EPB41L3: variants seen among roughly 807,000 people sequenced by gnomAD.
EPB41L3 encodes erythrocyte membrane protein band 4.1 like 3.
Under a neutral mutation model 127.1 loss-of-function variants are expected in EPB41L3, and 57 were observed. The ratio of observed to expected loss-of-function variants is 0.45; its 90% confidence interval spans 0.36 to 0.56. The LOEUF (loss-of-function observed/expected upper bound fraction) is 0.56. Ranked by LOEUF, EPB41L3 falls within the 20% of genes least tolerant of loss-of-function variation. The pLI is 0.00. For synonymous variants in EPB41L3, 572 were observed against 549.5 expected (o/e 1.04, Z -0.57); for missense variants, 1,273 against 1,372.2 (o/e 0.93, Z 1.14).
chr18:5,452,591 C>T (rs1461352138), intron 3 of EPB41L3, among the ~76,000 whole-genome samples: 1 of 152,112 alleles, frequency 6.6e-6, no homozygotes, highest in Non-Finnish European at 1.5e-5. Flanking sequence ...GGCTTAAAAT[C>T]TGAAGACATT....
intron 1 of EPB41L3, among the ~76,000 whole-genome samples, chr18:5,504,002 T>C (rs1706069698): frequency 6.6e-6 from 1 of 152,230 alleles, no homozygotes; most frequent in South Asian, 2.1e-4. Context: ...TGATTATTGC[T>C]GAAAACATCT....
upstream of EPB41L3, chr18:5,544,078 G>A: frequency 1.0e-6 from 1 of 985,544 alleles, no homozygotes; most frequent in Non-Finnish European, 1.2e-6. Flanking sequence ...CCGAGGCTCC[G>A]CGGAGCTGCG....
chr18:5,477,407 C>T (rs555900276), intron 3 of EPB41L3, among the ~76,000 whole-genome samples: 1 of 152,246 alleles, frequency 6.6e-6, no homozygotes, highest in South Asian at 2.1e-4. Context: ...GTGTGTGATA[C>T]CCTGCCCTCT....
At chr18:5,614,666 G>T (rs2094771151) in intron 1 of EPB41L3, among the ~76,000 whole-genome samples, 1 of 138,190 alleles carries the variant, frequency 7.2e-6, no homozygotes. Context: ...GTACTCCCCT[G>T]ATTCTTAGGA....
chr18:5,519,472 ACTC>A (rs2092899664), intron 1 of EPB41L3, among the ~76,000 whole-genome samples: 1 of 152,124 alleles, frequency 6.6e-6, no homozygotes, highest in African/African-American at 2.4e-5. Flanking sequence ...CCCAAGAATC[ACTC>A]TACCACAACC....
intron 1 of EPB41L3, among the ~76,000 whole-genome samples, chr18:5,620,303 T>C (rs567353921): frequency 6.6e-6 from 1 of 152,310 alleles, no homozygotes; most frequent in East Asian, 1.9e-4. Context: ...TGAAACACAC[T>C]TAGTTATGTT....
intron 3 of EPB41L3, among the ~76,000 whole-genome samples, chr18:5,455,561 A>C (rs2082911915): frequency 6.6e-6 from 1 of 152,078 alleles, no homozygotes; most frequent in Non-Finnish European, 1.5e-5. Context: ...CACTTCAAGT[A>C]CATACATGAC....
Position 5,393,491 on chromosome 18 carries a change from C to G in EPB41L3, c.*7-13G>C, listed in dbSNP as rs550841273. 83 of 701,070 alleles carry G rather than the reference C, an allele frequency of 1.2e-4. 2 individuals are homozygous for G. In the South Asian group the frequency reaches 1.2e-3, roughly 10 times the overall value. The allele number at this position is 701,070 out of a possible 1,614,324, so 43.4% of individuals were successfully genotyped here. On this transcript the variant is annotated splice_polypyrimidine_tract_variant and intron_variant, in intron 22 of 22. Coordinates refer to ENST00000341928, the MANE Select transcript of EPB41L3 (RefSeq NM_012307.5). ...AGCTAAGTTATTCCTGCAAAAAAGACATTTGATTAGTTACTCATTTGAAAA... is the reference window on the plus strand; with the variant it reads ...AGCTAAGTTATTCCTGCAAAAAAGAGATTTGATTAGTTACTCATTTGAAAA...
chr18:5,408,651 T>G (rs1318441325), intron 14 of EPB41L3, among the ~76,000 whole-genome samples: 6 of 152,136 alleles, frequency 3.9e-5, no homozygotes, highest in Non-Finnish European at 1.5e-5. Flanking sequence ...AGAAAGTTTT[T>G]TTTTTTTTTT....
intron 3 of EPB41L3, 94 bp from the exon 4 acceptor site, chr18:5,445,338 CT>C: frequency 1.0e-6 from 1 of 972,806 alleles, no homozygotes; most frequent in Non-Finnish European, 1.6e-6. Context: ...TAAAACATTG[CT>C]TGGTGTAACT....
At chr18:5,475,795 G>C (rs2087070301) in intron 3 of EPB41L3, among the ~76,000 whole-genome samples, 1 of 152,108 alleles carries the variant, frequency 6.6e-6, no homozygotes, top group Admixed American at 6.5e-5. Flanking sequence ...CTGACACTTG[G>C]GGCATCAATC....
intron 3 of EPB41L3, among the ~76,000 whole-genome samples, chr18:5,458,473 G>A (rs1207846361): frequency 1.3e-5 from 2 of 152,102 alleles, no homozygotes; most frequent in East Asian, 1.9e-4. Context: ...CACTCGAATC[G>A]CCCAGTTATC....
intron 5 of EPB41L3, among the ~76,000 whole-genome samples, chr18:5,438,338 G>C (rs1033265707): frequency 3.3e-5 from 5 of 152,132 alleles, no homozygotes; most frequent in African/African-American, 1.2e-4. Context: ...AACTAGTATG[G>C]AAACTGATCA....
Position 5,518,221 on chromosome 18 carries a change from G to T in EPB41L3, c.-12+25692C>A, listed in dbSNP as rs565440259. Among the ~76,000 whole-genome samples the T allele has an allele frequency of 2.6e-5, 4 of 152,076 alleles. No homozygotes were observed. The South Asian group carries it at 8.3e-4, about 32-fold the overall frequency. On this transcript the variant is annotated intron_variant, in intron 1 of 22. Coordinates refer to ENST00000341928, the MANE Select transcript of EPB41L3 (RefSeq NM_012307.5). The stretch of plus-strand genomic sequence containing the variant: ...TGCCACCCATGGCCCCGTTTCTTCT[G>T]GATCCTCGCCACCTCCAACCCTCCC...
At chr18:5,414,875 G>A (rs933095597) in intron 13 of EPB41L3, among the ~76,000 whole-genome samples, 1 of 152,206 alleles carries the variant, frequency 6.6e-6, no homozygotes, top group Non-Finnish European at 1.5e-5. Flanking sequence ...CCAATTGCTC[G>A]AGTCGGGGAC....
chr18:5,566,747 CTATT>C lies in EPB41L3; in HGVS notation c.-306+45589_-306+45592del, dbSNP rs2094206793. Among the ~76,000 whole-genome samples, 14 of 133,626 alleles carry C rather than the reference CTATT, an allele frequency of 1.0e-4. No individual in the cohort carries two copies. The East Asian group carries it at 1.6e-3, about 16-fold the overall frequency. The allele number at this position is 133,626 out of a possible 152,430, so 87.7% of individuals were successfully genotyped here. A position where few individuals can be genotyped will look rare whatever the true frequency, so the allele number is the denominator to read the frequency against. On this transcript the variant is annotated intron_variant, in intron 3 of 21. Coordinates refer to the EPB41L3 transcript ENST00000545076. ...CCATTCTATTCTATTCTATTCTATT[CTATT>C]CTATTCTATTCTATTCTATTCTATT...
chr18:5,397,432 T>C lies in EPB41L3; in HGVS notation c.2473-6A>G, dbSNP rs370314503. ...TCCGTCTTGGTTTCCATTTTCTGCA[T>C]GGGAAGAGATTGTGGCATCAGTGTG... On this transcript the variant is annotated splice_region_variant and splice_polypyrimidine_tract_variant and intron_variant, in intron 17 of 22. Coordinates refer to ENST00000341928, the MANE Select transcript of EPB41L3 (RefSeq NM_012307.5). This position sits in a 1 kb window ranked among gnomAD's most constrained non-coding sequence, Gnocchi z 4.1. 1.2e-6 allele frequency: 2 copies of C among 1,600,252 alleles called. No homozygotes were observed. The highest frequency in any genetic ancestry group is 3.4e-5 in the Admixed American group (2 of 58,818).
chr18:5,553,985 C>G (rs1447977746), intron 3 of EPB41L3, among the ~76,000 whole-genome samples: 1 of 152,216 alleles, frequency 6.6e-6, no homozygotes, highest in Non-Finnish European at 1.5e-5. Context: ...CCTCACACAA[C>G]CAGGTGCACT....
In EPB41L3 at chr18:5,478,357, G is replaced by C. The variant is rs746460874; in HGVS notation, c.265C>G (p.Gln89Glu). The part of the protein sequence containing the change: ...YQQLEDDKLS[Q>E]KSSSSKLSRS... The stretch of plus-strand genomic sequence containing the variant: ...GAGAGTTTACTGCTAGATGATTTCT[G>C]AGAAAGTTTATCGTCTTCTAATTGC... Residue 89 changes from glutamine (Q) to glutamate (E), a missense_variant, in exon 3 of 23, where the codon CAG becomes GAG. By Grantham distance (29) the Gln-to-Glu change is conservative (BLOSUM62 2). Transcript: ENST00000341928. 30 of 1,614,010 alleles carry C rather than the reference G, an allele frequency of 1.9e-5. No homozygotes were observed. The highest frequency in any genetic ancestry group is 2.5e-5 in the Non-Finnish European group (30 of 1,180,016).
Sources: gnomAD v4.1 joint callset for allele counts (sites outside exome capture counted in the v4.1 genomes callset) on GRCh38, gnomAD v4.1.1 for gene constraint, Gnocchi (gnomAD v3.1) non-coding constraint, MANE v1.5 for transcripts, NCBI Gene and HGNC (gene_info 2026-07-23, HGNC 2026-07-21) for gene names.